The following GDNF variants were observed in gnomAD, a reference collection of about 807,000 sequenced individuals.
GDNF encodes the protein glial cell derived neurotrophic factor, also known as glial cell line-derived neurotrophic factor.
GDNF carries 5 observed loss-of-function variants against 13.7 expected under a neutral mutation model. The ratio of observed to expected loss-of-function variants is 0.36; its 90% CI spans 0.19 to 0.77. The LOEUF (loss-of-function observed/expected upper bound fraction) is 0.77. GDNF is among the 30% of genes least tolerant of loss of function. The pLI is 0.51. For synonymous variants in GDNF, 122 were observed against 112.5 expected, an observed-to-expected ratio of 1.08 and a Z score of -0.53; for missense variants, 246 against 274.3, an observed-to-expected ratio of 0.90 and a Z score of 0.73.
Position 37,815,725 on chromosome 5 carries a change from G to A in GDNF, c.562C>T (p.Leu188=), listed in dbSNP as rs1430501993. 2 of 1,613,732 alleles carry A rather than the reference G, an allele frequency of 1.2e-6. No homozygotes were observed. ...ACCAGGTTATCATCTAAAAACGACA[G>A]GTCATCATCAAAGGCGATGGGTCTG... is the stretch of plus-strand genomic sequence containing the variant. The part of the protein sequence containing the change: ...CCRPIAFDDD[L]SFLDDNLVYH... The change falls in exon 3 of 3, where the codon CTG becomes TTG. Residue 188 remains leucine (L), a synonymous_variant. Coordinates refer to ENST00000326524, the MANE Select transcript of GDNF (RefSeq NM_000514.4). The surrounding 1 kb of genome is among the most constrained non-coding windows in gnomAD (Gnocchi z 5.0).
At chr5:37,829,284 C>T (rs1352808616) in intron 2 of GDNF, among the ~76,000 whole-genome samples, 1 of 152,162 alleles carries the variant, frequency 6.6e-6, no homozygotes, top group Admixed American at 6.5e-5. Context: ...TTCCAAACAC[C>T]CATCTTTCAA....
intron 2 of GDNF, among the ~76,000 whole-genome samples, chr5:37,816,787 T>C (rs1749946909): frequency 6.6e-6 from 1 of 152,228 alleles, no homozygotes; most frequent in Admixed American, 6.5e-5. Flanking sequence ...GCTTTGATTC[T>C]GTGTGGCTGA....
intron 2 of GDNF, among the ~76,000 whole-genome samples, chr5:37,817,292 A>G (rs188280219): frequency 1.0e-3 from 158 of 152,364 alleles, no homozygotes; most frequent in Middle Eastern, 3.4e-3. Context: ...ATAAATTTCT[A>G]AACGGGGGGA....
intron 2 of GDNF, among the ~76,000 whole-genome samples, chr5:37,822,908 T>G (rs58303520): frequency 0.041 from 6,254 of 152,310 alleles, 442 homozygotes; most frequent in African/African-American, 0.14. Flanking sequence ...GTTACAAACA[T>G]GATTTTCTTT....
chr5:37,815,539 T>TCCA lies in GDNF; in HGVS notation c.*111_*112insTGG. Reference sequence around the variant, plus strand: ...CTCCTCCTCTTCTTCTTCCTCCTCCTCCGCCTCCTTGGTCCTCATCTTCCA... The same window carrying TCCA: ...CTCCTCCTCTTCTTCTTCCTCCTCCTCCACCGCCTCCTTGGTCCTCATCTTCCA... On this transcript the variant is annotated 3_prime_UTR_variant, in exon 3 of 3. Transcript: ENST00000326524. The surrounding 1 kb of genome is among the most constrained non-coding windows in gnomAD (Gnocchi z 5.0). The TCCA allele has an allele frequency of 1.0e-6, 1 of 985,688 alleles. No homozygotes were observed. The highest frequency in any genetic ancestry group is 1.6e-6 in the Non-Finnish European group (1 of 619,210). The allele number at this position is 985,688 out of a possible 1,614,324, so 61.1% of individuals were successfully genotyped here.
Position 37,815,520 on chromosome 5 carries a change from C to CTCCTCCTCT in GDNF, c.*130_*131insAGAGGAGGA. On this transcript the variant is annotated 3_prime_UTR_variant, in exon 3 of 3. Transcript: ENST00000326524. The surrounding 1 kb of genome is among the most constrained non-coding windows in gnomAD (Gnocchi z 5.0). ...CCTCCTCCTCCTCCTCCTCCTCCTC[C>CTCCTCCTCT]TCTTCTTCTTCCTCCTCCTCCGCCT... 1.4e-6 allele frequency: 1 copy of CTCCTCCTCT among 740,152 alleles called. No homozygotes were observed. The highest frequency in any genetic ancestry group is 2.3e-6 in the Non-Finnish European group (1 of 439,362). The allele number at this position is 740,152 out of a possible 1,614,324, so 45.8% of individuals were successfully genotyped here.
Position 37,823,484 on chromosome 5 carries a change from A to C in GDNF, c.152-7349T>G, listed in dbSNP as rs192818035. 4 of 152,326 alleles carry C rather than the reference A, an allele frequency of 2.6e-5. No homozygotes were observed. The East Asian group carries it at 7.7e-4, about 29-fold the overall frequency. The allele number at this position is 152,326 out of a possible 1,614,324, so 9.4% of individuals were successfully genotyped here. ...CACAGAATACAGTAAATTGTCTCCC[A>C]AAAAGGAAAAGCCATGCTACTCAGG... On this transcript the variant is annotated intron_variant, in intron 2 of 2. Transcript: ENST00000326524.
At chr5:37,816,588 A>T (rs1177087294) in intron 2 of GDNF, among the ~76,000 whole-genome samples, 2 of 152,230 alleles carry the variant, frequency 1.3e-5, no homozygotes, top group Non-Finnish European at 2.9e-5. Flanking sequence ...ACAATGAGTC[A>T]TTTGGTCTGG....
At chr5:37,833,446 T>C (rs761693699) in intron 2 of GDNF, among the ~76,000 whole-genome samples, 4 of 152,222 alleles carry the variant, frequency 2.6e-5, no homozygotes, top group Non-Finnish European at 5.9e-5. Flanking sequence ...AGTCTTAATT[T>C]GCCTTATAAA....
intron 2 of GDNF, among the ~76,000 whole-genome samples, chr5:37,826,383 A>T (rs1355005466): frequency 6.6e-6 from 1 of 152,236 alleles, no homozygotes; most frequent in East Asian, 1.9e-4. Context: ...GTCTCTAGAC[A>T]AAGCAAGATT....
intron 2 of GDNF, among the ~76,000 whole-genome samples, chr5:37,819,522 G>A (rs532382412): frequency 3.4e-5 from 5 of 148,852 alleles, no homozygotes; most frequent in Admixed American, 1.4e-4. Flanking sequence ...GCATGGTCTC[G>A]GCTCACTGCA....
At chr5:37,831,149 T>G (rs533706277) in intron 2 of GDNF, among the ~76,000 whole-genome samples, 30 of 152,340 alleles carry the variant, frequency 2.0e-4, no homozygotes, top group South Asian at 4.1e-4. Flanking sequence ...AGGAATTACT[T>G]GTAATTACAA....
rs1025635463 is a variant in GDNF, at chr5:37,839,285, G to A, written c.-27+222C>T. 7.2e-5 allele frequency among the ~76,000 whole-genome samples: 11 copies of A among 152,180 alleles called. No individual in the cohort carries two copies. Among genetic ancestry groups the A allele is most frequent in the Admixed American group, 1.3e-4 (2 of 15,282 alleles). ...GGCTCCACAGATCTTTGCCCACGTG[G>A]AAAAGGCAACATGCCCCTCCGAAAG... On this transcript the variant is annotated intron_variant, in intron 1 of 2. Coordinates refer to ENST00000326524, the MANE Select transcript of GDNF (RefSeq NM_000514.4). The surrounding 1 kb of genome is among the most constrained non-coding windows in gnomAD (Gnocchi z 5.5).
chr5:37,830,598 G>A (rs1486269164), intron 2 of GDNF, among the ~76,000 whole-genome samples: 2 of 152,172 alleles, frequency 1.3e-5, no homozygotes, highest in Non-Finnish European at 2.9e-5. Context: ...CAGCATCCTG[G>A]CAGATGTCGT....
chr5:37,826,643 A>G (rs1045041898), intron 2 of GDNF, among the ~76,000 whole-genome samples: 4 of 152,356 alleles, frequency 2.6e-5, no homozygotes, highest in African/African-American at 9.6e-5. Flanking sequence ...CAGTGTCTTC[A>G]GACTGAGGCA....
chr5:37,838,572 C>T lies in GDNF; in HGVS notation c.-27+935G>A, dbSNP rs1750789515. Among the ~76,000 whole-genome samples, 1 of 152,330 alleles carries T rather than the reference C, an allele frequency of 6.6e-6. No homozygotes were observed. The highest frequency in any genetic ancestry group is 2.4e-5 in the African/African-American group (1 of 41,584). On this transcript the variant is annotated intron_variant, in intron 1 of 2. Coordinates refer to ENST00000326524, the MANE Select transcript of GDNF (RefSeq NM_000514.4). This position sits in a 1 kb window ranked among gnomAD's most constrained non-coding sequence, Gnocchi z 4.1. ...TGGGTAAGCCCCCCGGGGGCGCGCA[C>T]ATGGGTCCTGGCGGCGGATTCTACC...
chr5:37,830,286 A>C (rs1411247784), intron 2 of GDNF, among the ~76,000 whole-genome samples: 1 of 152,208 alleles, frequency 6.6e-6, no homozygotes, highest in Non-Finnish European at 1.5e-5. Context: ...CCATAGAAAG[A>C]TCCTACCCTG....
rs34626556 is a variant in GDNF, at chr5:37,817,604, A to AGTGTGTGT, written c.152-1477_152-1470dup. ...AAGCAACTTAACCACGTGTGTGTAGAGTGTGTGTGTGTGTGTGTGTGTGTG... is the reference window on the plus strand; with the variant it reads ...AAGCAACTTAACCACGTGTGTGTAGAGTGTGTGTGTGTGTGTGTGTGTGTGTGTGTGTG... On this transcript the variant is annotated intron_variant, in intron 2 of 2. Transcript: ENST00000326524. Among the ~76,000 whole-genome samples the AGTGTGTGT allele has an allele frequency of 3.6e-3, 533 of 149,650 alleles. 4 individuals carry two copies. The East Asian group carries it at 0.061, about 17-fold the overall frequency.
intron 1 of GDNF, chr5:37,835,281 C>T (rs1181054909): frequency 7.3e-6 from 3 of 413,716 alleles, no homozygotes; most frequent in South Asian, 7.2e-5. Flanking sequence ...AACGAGCCCT[C>T]GGCCCAAGCA....
Sources: allele counts gnomAD v4.1 joint callset (sites outside exome capture counted in the v4.1 genomes callset), GRCh38; gene constraint gnomAD v4.1.1; non-coding constraint Gnocchi (gnomAD v3.1); transcripts MANE v1.5; gene names NCBI Gene and HGNC (gene_info 2026-07-23, HGNC 2026-07-21).